The following LHFPL2 variants were observed in gnomAD, a reference collection of about 807,000 sequenced individuals.
The protein encoded by LHFPL2 is LHFPL tetraspan subfamily member 2 protein.
In LHFPL2, 7 loss-of-function variants were observed where a neutral mutation model predicts 17.5. The observed-to-expected ratio is 0.40, with a 90% CI of 0.23 to 0.75. The LOEUF (loss-of-function observed/expected upper bound fraction) is 0.75. Ranked by LOEUF, LHFPL2 falls within the 30% of genes least tolerant of loss-of-function variation. LHFPL2 has a pLI of 0.37. For missense variants in LHFPL2, 241 were observed against 294.8 expected, an observed-to-expected ratio of 0.82 and a Z score of 1.34; for synonymous variants, 134 against 116.2, an observed-to-expected ratio of 1.15 and a Z score of -0.99.
At chr5:78,637,714 T>G (rs1745504928) in intron 1 of LHFPL2, among the ~76,000 whole-genome samples, 1 of 152,204 alleles carries the variant, frequency 6.6e-6, no homozygotes, top group South Asian at 2.1e-4. Context: ...CTATTCAAAG[T>G]GAGCTCCACG....
At chr5:78,544,905 T>C (rs907574432) in intron 3 of LHFPL2, among the ~76,000 whole-genome samples, 1 of 152,206 alleles carries the variant, frequency 6.6e-6, no homozygotes, top group Non-Finnish European at 1.5e-5. Flanking sequence ...TCTTTTCTTT[T>C]TTTAAAAGAA....
intron 2 of LHFPL2, among the ~76,000 whole-genome samples, chr5:78,621,649 T>A (rs1483795385): frequency 6.6e-6 from 1 of 152,192 alleles, no homozygotes; most frequent in Non-Finnish European, 1.5e-5. Flanking sequence ...TTTCTAAACA[T>A]TAATTGCTAC....
At chr5:78,541,636 G>A (rs1007785201) in intron 3 of LHFPL2, among the ~76,000 whole-genome samples, 1 of 152,178 alleles carries the variant, frequency 6.6e-6, no homozygotes, top group Non-Finnish European at 1.5e-5. Context: ...TGACCAGCCT[G>A]CCACCTGATA....
intron 2 of LHFPL2, among the ~76,000 whole-genome samples, chr5:78,566,013 T>A (rs551310624): frequency 1.3e-5 from 2 of 152,350 alleles, no homozygotes; most frequent in South Asian, 4.1e-4. Flanking sequence ...AGTAAATATT[T>A]AGAAAAAAAG....
At chr5:78,606,917 T>A (rs1322329865) in intron 2 of LHFPL2, among the ~76,000 whole-genome samples, 1 of 151,640 alleles carries the variant, frequency 6.6e-6, no homozygotes, top group African/African-American at 2.4e-5. Flanking sequence ...CCTCAAGTGA[T>A]CCACCCGCCT....
At chr5:78,557,753 G>T (rs1253175189) in intron 3 of LHFPL2, among the ~76,000 whole-genome samples, 2 of 152,158 alleles carry the variant, frequency 1.3e-5, no homozygotes, top group Non-Finnish European at 2.9e-5. Flanking sequence ...TTCACAGATT[G>T]TTCTGGGATG....
chr5:78,639,495 T>C (rs764352782), intron 1 of LHFPL2, among the ~76,000 whole-genome samples: 114 of 152,292 alleles, frequency 7.5e-4, no homozygotes, highest in Admixed American at 2.9e-3. Flanking sequence ...AGTCAGTAAT[T>C]AAGTCGGTAA....
At chr5:78,646,529 A>G (rs574394152) in intron 1 of LHFPL2, among the ~76,000 whole-genome samples, 1 of 152,388 alleles carries the variant, frequency 6.6e-6, no homozygotes, top group East Asian at 1.9e-4. Flanking sequence ...AAATTAAATA[A>G]CATGCCCAAG....
At position 78,572,511 on chromosome 5, in the gene LHFPL2, TAC is replaced by T. The variant is rs1371109586; in HGVS notation, c.-244-7642_-244-7641del. Among the ~76,000 whole-genome samples, 5 of 54,920 alleles carry T rather than the reference TAC, an allele frequency of 9.1e-5. No individual in the cohort carries two copies. In the East Asian group the frequency reaches 1.1e-3, roughly 12 times the overall value. 36.0% of individuals were successfully genotyped at this position (54,920 alleles called of 152,430 possible). Reference sequence around the variant, plus strand: ...ATATATATGTGTGTATATATATATATACACACACATATATATATATACACACA... The same window carrying T: ...ATATATATGTGTGTATATATATATATACACACATATATATATATACACACA... On this transcript the variant is annotated intron_variant, in intron 2 of 4. Coordinates refer to ENST00000380345, the MANE Select transcript of LHFPL2 (RefSeq NM_005779.3).
intron 4 of LHFPL2, 135 bp downstream of exon 4, chr5:78,509,649 G>A (rs908419274): frequency 2.3e-6 from 2 of 876,190 alleles, no homozygotes; most frequent in African/African-American, 3.4e-5. Flanking sequence ...GAACGGAAGG[G>A]GCAAAGGAAA....
intron 3 of LHFPL2, among the ~76,000 whole-genome samples, chr5:78,548,753 T>C (rs1756356910): frequency 6.6e-6 from 1 of 152,194 alleles, no homozygotes; most frequent in Non-Finnish European, 1.5e-5. Flanking sequence ...TCACGCACCC[T>C]GGGATTAAAT....
chr5:78,517,787 C>T (rs1339329887), intron 3 of LHFPL2, among the ~76,000 whole-genome samples: 1 of 152,238 alleles, frequency 6.6e-6, no homozygotes, highest in Admixed American at 6.5e-5. Flanking sequence ...GGTGGGGACA[C>T]AGCCAAACCA....
At chr5:78,560,831 T>C (rs1234268590) in intron 3 of LHFPL2, among the ~76,000 whole-genome samples, 2 of 152,148 alleles carry the variant, frequency 1.3e-5, no homozygotes, top group Non-Finnish European at 2.9e-5. Flanking sequence ...CAAAAACTAA[T>C]AAGGAAAATA....
At chr5:78,588,824 C>T (rs562628764) in intron 2 of LHFPL2, among the ~76,000 whole-genome samples, 1 of 152,322 alleles carries the variant, frequency 6.6e-6, no homozygotes, top group South Asian at 2.1e-4. Context: ...CAGTGCCTGA[C>T]TCAATAAATG....
intron 3 of LHFPL2, among the ~76,000 whole-genome samples, chr5:78,562,751 A>G (rs1252308000): frequency 6.7e-6 from 1 of 148,910 alleles, no homozygotes; most frequent in Admixed American, 6.8e-5. Context: ...CTGTATTTCT[A>G]TGGGATGAAT....
intron 2 of LHFPL2, among the ~76,000 whole-genome samples, chr5:78,618,844 C>T (rs186912938): frequency 2.0e-5 from 3 of 152,246 alleles, no homozygotes; most frequent in African/African-American, 2.4e-5. Context: ...AGGCCTGCTT[C>T]GGGACTCGGA....
intron 2 of LHFPL2, among the ~76,000 whole-genome samples, chr5:78,603,637 T>A (rs1744105441): frequency 2.0e-5 from 3 of 152,194 alleles, no homozygotes; most frequent in Admixed American, 2.0e-4. Flanking sequence ...CCCAGCACTT[T>A]GAGAGGCTGA....
intron 1 of LHFPL2, among the ~76,000 whole-genome samples, chr5:78,643,159 T>C (rs1745739214): frequency 6.6e-6 from 1 of 152,220 alleles, no homozygotes; most frequent in Admixed American, 6.5e-5. Flanking sequence ...ACCTTGACTC[T>C]AGTCCAACAA....
intron 3 of LHFPL2, among the ~76,000 whole-genome samples, chr5:78,557,432 G>T (rs1561338039): frequency 6.6e-6 from 1 of 152,164 alleles, no homozygotes. Flanking sequence ...CCAATCCACA[G>T]TCACTCCATG....
Sources: gnomAD v4.1 joint callset for allele counts (sites outside exome capture counted in the v4.1 genomes callset) on GRCh38, gnomAD v4.1.1 for gene constraint, MANE v1.5 for transcripts, NCBI Gene and HGNC (gene_info 2026-07-23, HGNC 2026-07-21) for gene names.